The following HS6ST3 variants were observed in gnomAD, a reference collection of about 807,000 sequenced individuals.
The protein encoded by HS6ST3 is heparan-sulfate 6-O-sulfotransferase 3.
Under a neutral mutation model 36.7 loss-of-function variants are expected in HS6ST3, and 12 were observed. The ratio of observed to expected loss-of-function variants is 0.33; its 90% CI spans 0.21 to 0.53. HS6ST3 has a LOEUF of 0.53. HS6ST3 is among the 20% of genes least tolerant of loss of function. The probability of loss-of-function intolerance (pLI) is 0.95; values close to 1 mark genes in which losing one functional copy is unlikely to be tolerated. For synonymous variants in HS6ST3, 240 were observed against 257.5 expected, an observed-to-expected ratio of 0.93 and a Z score of 0.65; for missense variants, 584 against 640.9, an observed-to-expected ratio of 0.91 and a Z score of 0.96.
intron 1 of HS6ST3, among the ~76,000 whole-genome samples, chr13:96,253,535 T>C (rs2054617628): frequency 6.6e-6 from 1 of 152,130 alleles, no homozygotes; most frequent in Admixed American, 6.5e-5. Flanking sequence ...ACTTCAGGGC[T>C]CCCACAAAGT....
chr13:96,665,367 C>T (rs1173499025), intron 1 of HS6ST3, among the ~76,000 whole-genome samples: 1 of 152,064 alleles, frequency 6.6e-6, no homozygotes, highest in Non-Finnish European at 1.5e-5. Flanking sequence ...CCCTTGTTCT[C>T]ATGGTACTTA....
At chr13:96,526,466 T>C (rs1488626324) in intron 1 of HS6ST3, among the ~76,000 whole-genome samples, 1 of 152,222 alleles carries the variant, frequency 6.6e-6, no homozygotes, top group African/African-American at 2.4e-5. Flanking sequence ...GCTAGGCTGG[T>C]CTGCTTACCT....
intron 1 of HS6ST3, among the ~76,000 whole-genome samples, chr13:96,169,200 G>A (rs1197103472): frequency 1.3e-5 from 2 of 152,118 alleles, no homozygotes; most frequent in African/African-American, 4.8e-5. Context: ...TTACAGATTA[G>A]GTGACTGAGG....
chr13:96,561,051 C>A (rs1024708254), intron 1 of HS6ST3, among the ~76,000 whole-genome samples: 1 of 152,094 alleles, frequency 6.6e-6, no homozygotes, highest in Non-Finnish European at 1.5e-5. Flanking sequence ...TTCTAAAATT[C>A]ATGTGGAACC....
At chr13:96,194,857 C>T (rs969177071) in intron 1 of HS6ST3, among the ~76,000 whole-genome samples, 37 of 151,920 alleles carry the variant, frequency 2.4e-4, no homozygotes, top group Admixed American at 2.4e-3. Context: ...TTATGTTCCT[C>T]TTATTTCTTT....
intron 1 of HS6ST3, among the ~76,000 whole-genome samples, chr13:96,597,630 T>C (rs1415779896): frequency 6.6e-6 from 1 of 152,074 alleles, no homozygotes; most frequent in East Asian, 1.9e-4. Flanking sequence ...TCCCATCCCA[T>C]AGGGTGTCTG....
At chr13:96,420,040 A>G (rs1176230463) in intron 1 of HS6ST3, among the ~76,000 whole-genome samples, 2 of 152,182 alleles carry the variant, frequency 1.3e-5, no homozygotes, top group African/African-American at 4.8e-5. Flanking sequence ...AATCCTGTAT[A>G]TAAGTTTGGG....
chr13:96,224,859 A>T (rs1379670142), intron 1 of HS6ST3, among the ~76,000 whole-genome samples: 1 of 152,210 alleles, frequency 6.6e-6, no homozygotes, highest in Non-Finnish European at 1.5e-5. Context: ...TGTCTGCTTT[A>T]CCATCCATTA....
At chr13:96,547,338 T>C (rs1378400684) in intron 1 of HS6ST3, among the ~76,000 whole-genome samples, 2 of 152,188 alleles carry the variant, frequency 1.3e-5, no homozygotes, top group Non-Finnish European at 2.9e-5. Context: ...TCAACAATTC[T>C]AGCATTTCTT....
At chr13:96,795,555 T>C (rs1325330442) in intron 1 of HS6ST3, among the ~76,000 whole-genome samples, 1 of 152,110 alleles carries the variant, frequency 6.6e-6, no homozygotes, top group Non-Finnish European at 1.5e-5. Context: ...TTCTATTACA[T>C]TGGTGATTCT....
chr13:96,130,701 T>C (rs1407104167), intron 1 of HS6ST3, among the ~76,000 whole-genome samples: 1 of 152,188 alleles, frequency 6.6e-6, no homozygotes, highest in Non-Finnish European at 1.5e-5. Flanking sequence ...CCCTATTGGT[T>C]AAGCCTTGGG....
chr13:96,831,947 T>C (rs1594870553), intron 1 of HS6ST3, among the ~76,000 whole-genome samples: 1 of 30,942 alleles, frequency 3.2e-5, no homozygotes. Flanking sequence ...AGAGCAAGAC[T>C]CCCTCTCAAA....
At chr13:96,285,758 G>A (rs1465665032) in intron 1 of HS6ST3, among the ~76,000 whole-genome samples, 3 of 152,134 alleles carry the variant, frequency 2.0e-5, no homozygotes, top group Admixed American at 2.0e-4. Context: ...GAATTTCTGT[G>A]CTCGCATAAC....
intron 1 of HS6ST3, among the ~76,000 whole-genome samples, chr13:96,189,869 T>A (rs2054280996): frequency 6.6e-6 from 1 of 152,188 alleles, no homozygotes; most frequent in Non-Finnish European, 1.5e-5. Flanking sequence ...GGGCTTTGGT[T>A]GAAACCAATC....
chr13:96,452,803 G>A (rs7329624), intron 1 of HS6ST3, among the ~76,000 whole-genome samples: 151,452 of 152,304 alleles, frequency 0.99, 75,308 homozygotes, highest in Middle Eastern at 1. Context: ...ACATTCCTCT[G>A]TGTTTTTTAT....
chr13:96,293,641 T>C (rs1273385287), intron 1 of HS6ST3, among the ~76,000 whole-genome samples: 2 of 152,134 alleles, frequency 1.3e-5, no homozygotes, highest in African/African-American at 4.8e-5. Context: ...AAGTATTACA[T>C]ATTTTTCCTT....
chr13:96,716,591 A>T (rs1332214020), intron 1 of HS6ST3, among the ~76,000 whole-genome samples: 1 of 152,104 alleles, frequency 6.6e-6, no homozygotes, highest in East Asian at 1.9e-4. Flanking sequence ...ATCATTTATG[A>T]TCTATTATCT....
intron 1 of HS6ST3, among the ~76,000 whole-genome samples, chr13:96,486,144 T>C (rs1416505336): frequency 2.6e-5 from 4 of 151,910 alleles, no homozygotes; most frequent in Non-Finnish European, 5.9e-5. Context: ...GATAGTTTGC[T>C]GAGAATGATG....
chr13:96,585,945 T>A (rs1430841608), intron 1 of HS6ST3, among the ~76,000 whole-genome samples: 1 of 152,220 alleles, frequency 6.6e-6, no homozygotes, highest in Admixed American at 6.5e-5. Context: ...GATATATACC[T>A]ACAAAGTAGT....
Sources: gnomAD v4.1 joint callset for allele counts (sites outside exome capture counted in the v4.1 genomes callset) on GRCh38, gnomAD v4.1.1 for gene constraint, MANE v1.5 for transcripts, NCBI Gene and HGNC (gene_info 2026-07-23, HGNC 2026-07-21) for gene names.